FAT4: variants seen among roughly 807,000 people sequenced by gnomAD.
The protein encoded by FAT4 is protocadherin Fat 4.
In FAT4, 84 loss-of-function variants were observed where a neutral mutation model predicts 303.9. The observed-to-expected ratio is 0.28, with a 90% CI of 0.23 to 0.33. FAT4 has a LOEUF of 0.33. Among genes scored for constraint, FAT4 ranks in the 10% least tolerant of loss-of-function variants. FAT4 has a pLI of 1.00. For synonymous variants in FAT4, 2,307 were observed against 2,298.8 expected (o/e 1.00, Z -0.10); for missense variants, 6,005 against 6,146.8 (o/e 0.98, Z 0.77).
chr4:125,484,539 TTAAA>T (rs1727343110), intron 16 of FAT4, among the ~76,000 whole-genome samples: 1 of 152,124 alleles, frequency 6.6e-6, no homozygotes, highest in African/African-American at 2.4e-5. Flanking sequence ...TAGATTCAAA[TTAAA>T]TAAATGAACA....
intron 16 of FAT4, among the ~76,000 whole-genome samples, chr4:125,486,478 G>A (rs950193914): frequency 6.6e-6 from 1 of 152,042 alleles, no homozygotes; most frequent in Non-Finnish European, 1.5e-5. Context: ...TTTCATTCCC[G>A]TTATTTGAGG....
intron 2 of FAT4, among the ~76,000 whole-genome samples, chr4:125,389,482 C>A (rs1733896324): frequency 6.6e-6 from 1 of 152,142 alleles, no homozygotes; most frequent in African/African-American, 2.4e-5. Flanking sequence ...AAAAAATGCA[C>A]CAAATGCATA....
intron 2 of FAT4, among the ~76,000 whole-genome samples, chr4:125,385,098 T>G (rs1170931274): frequency 6.7e-6 from 1 of 149,258 alleles, no homozygotes; most frequent in African/African-American, 2.5e-5. Context: ...CTCCACTCAC[T>G]GCAACCTCTG....
chr4:125,424,362 C>G (rs1428837233), intron 7 of FAT4, among the ~76,000 whole-genome samples: 1 of 152,152 alleles, frequency 6.6e-6, no homozygotes, highest in Non-Finnish European at 1.5e-5. Context: ...CCACTTCACT[C>G]TGCACATCTC....
chr4:125,472,089 A>AG (rs150650496), intron 12 of FAT4, among the ~76,000 whole-genome samples: 15,816 of 137,906 alleles, frequency 0.11, 1,476 homozygotes, highest in African/African-American at 0.19. Context: ...AAAAAAAAAA[A>AG]GGGTAGTTAC....
rs376363884 is a variant in FAT4 at position 125,490,484 on chromosome 4, T to C, written c.13668T>C (p.Val4556=). 2.1e-5 allele frequency: 34 copies of C among 1,614,042 alleles called. No homozygotes were observed. The highest frequency in any genetic ancestry group is 2.8e-5 in the Non-Finnish European group (33 of 1,180,034). ...AGAAGAAAAAGGGAAGTGAGAACGT[T>C]GCTTTTGATGACCCTGACAATATCC... The part of the protein sequence containing the change: ...KEKKKKGSEN[V]AFDDPDNIPP... The change falls in exon 18 of 18, where the codon GTT becomes GTC. Residue 4556 remains valine (V), a synonymous_variant. Transcript: ENST00000394329.
intron 2 of FAT4, among the ~76,000 whole-genome samples, chr4:125,326,788 G>T (rs757259810): frequency 3.3e-5 from 5 of 152,138 alleles, no homozygotes; most frequent in Non-Finnish European, 5.9e-5. Context: ...TTAAATGGGA[G>T]GCCAAGGCAG....
intron 2 of FAT4, among the ~76,000 whole-genome samples, chr4:125,350,834 T>G (rs188401969): frequency 8.9e-4 from 135 of 151,902 alleles, no homozygotes; most frequent in Middle Eastern, 6.8e-3. Flanking sequence ...CAGAAAGATT[T>G]CTGAGTATCT....
rs1198453607 is a variant in FAT4 at position 125,481,738 on chromosome 4, G to A, written c.12822G>A (p.Lys4274=). 6.2e-7 allele frequency: 1 copy of A among 1,613,462 alleles called. No homozygotes were observed. The highest frequency in any genetic ancestry group is 1.3e-5 in the African/African-American group (1 of 74,916). ...AAAGCAGCAATTACACTACTGTGAAGGTGAGATAAAAGCTAATGGTGACTT... is the reference window on the plus strand; with the variant it reads ...AAAGCAGCAATTACACTACTGTGAAAGTGAGATAAAAGCTAATGGTGACTT... ...IQESSNYTTV[K]IKNGKVYFTS... Residue 4274 remains lysine, a splice_region_variant and synonymous_variant, in exon 16 of 18, where the codon AAG becomes AAA. Transcript: ENST00000394329.
At chr4:125,370,748 CAAATTTTCA>C (rs1733074222) in intron 2 of FAT4, among the ~76,000 whole-genome samples, 1 of 151,996 alleles carries the variant, frequency 6.6e-6, no homozygotes, top group African/African-American at 2.4e-5. Flanking sequence ...CAAAATTTTT[CAAATTTTCA>C]AAATTTTCAA....
chr4:125,423,409 C>A (rs1724975874), intron 7 of FAT4, among the ~76,000 whole-genome samples: 1 of 152,158 alleles, frequency 6.6e-6, no homozygotes, highest in Admixed American at 6.5e-5. Flanking sequence ...GGCCAAGGTT[C>A]AGCTCAGGCT....
At chr4:125,333,791 A>G (rs889011682) in intron 2 of FAT4, among the ~76,000 whole-genome samples, 20 of 152,344 alleles carry the variant, frequency 1.3e-4, no homozygotes, top group Middle Eastern at 3.4e-3. Context: ...AAAATTTGCT[A>G]TTGAAAACAT....
Position 125,321,224 on chromosome 4 carries a change from G to A in FAT4, c.4813G>A (p.Asp1605Asn), listed in dbSNP as rs773127644. 6.2e-7 allele frequency: 1 copy of A among 1,614,162 alleles called. No homozygotes were observed. Among genetic ancestry groups the A allele is most frequent in the Non-Finnish European group, 8.5e-7 (1 of 1,180,012 alleles). ...CTACAATCTCATAGTTTCAGCAACA[G>A]ACCTTGGGCCTGAAAGGAGGAAATC... is the stretch of plus-strand genomic sequence containing the variant. ...LIYNLIVSAT[D>N]LGPERRKSTT... The change falls in exon 2 of 18, where the codon GAC becomes AAC. Residue 1605 changes from aspartate (D) to asparagine (N), a missense_variant. By Grantham distance (23) the Asp-to-Asn change is conservative. Coordinates refer to ENST00000394329, the MANE Select transcript of FAT4 (RefSeq NM_001291303.3).
chr4:125,353,140 G>C (rs1338300876), intron 2 of FAT4, among the ~76,000 whole-genome samples: 1 of 151,590 alleles, frequency 6.6e-6, no homozygotes, highest in Non-Finnish European at 1.5e-5. Flanking sequence ...GACCAAAATC[G>C]GATCTTATTT....
chr4:125,365,507 C>T (rs1171325675), intron 2 of FAT4, among the ~76,000 whole-genome samples: 1 of 152,086 alleles, frequency 6.6e-6, no homozygotes, highest in Non-Finnish European at 1.5e-5. Flanking sequence ...CCTATTCATA[C>T]CACCATTTCT....
rs1730551225 is a variant in FAT4 at position 125,315,725 on chromosome 4, G to T, written c.-265G>T. 6.6e-6 allele frequency among the ~76,000 whole-genome samples: 1 copy of T among 152,172 alleles called. No individual in the cohort carries two copies. The highest frequency in any genetic ancestry group is 1.5e-5 in the Non-Finnish European group (1 of 68,026). ...CTCCCGGGTACGGGAGCCAGAGCGC[G>T]AACGCTAGCGCTTGGAACGCAGTTC... On this transcript the variant is annotated 5_prime_UTR_variant, in exon 1 of 18. Coordinates refer to ENST00000394329, the MANE Select transcript of FAT4 (RefSeq NM_001291303.3).
chr4:125,478,290 T>C (rs1395576717), intron 14 of FAT4, among the ~76,000 whole-genome samples: 2 of 152,214 alleles, frequency 1.3e-5, no homozygotes, highest in African/African-American at 2.4e-5. Flanking sequence ...GTTATTATTA[T>C]TAATCAAACA....
intron 10 of FAT4, among the ~76,000 whole-genome samples, chr4:125,457,150 CACA>C: frequency 7.5e-6 from 1 of 133,414 alleles, no homozygotes; most frequent in Admixed American, 7.2e-5. Flanking sequence ...CACACACACA[CACA>C]CACCACTGAG....
In FAT4 at chr4:125,450,218, C is replaced by T. The variant is rs998399883; in HGVS notation, c.9208C>T (p.Pro3070Ser). ...CACTGCAAAGGATAAGGGAAACCCT[C>T]CACTTTCTTCCCAAGCAACTGTTCA... ...TVTAKDKGNP[P>S]LSSQATVHIT... Residue 3070 changes from proline (P) to serine (S), a missense_variant, in exon 10 of 18, where the codon CCA becomes TCA. Physicochemically the swap from Pro to Ser is moderately conservative, Grantham distance 74. Transcript: ENST00000394329. 5.6e-6 allele frequency: 9 copies of T among 1,613,810 alleles called. No individual in the cohort carries two copies. In the African/African-American group the frequency reaches 1.2e-4, roughly 22 times the overall value.
Sources: allele counts gnomAD v4.1 joint callset (sites outside exome capture counted in the v4.1 genomes callset), GRCh38; gene constraint gnomAD v4.1.1; transcripts MANE v1.5; gene names NCBI Gene and HGNC (gene_info 2026-07-23, HGNC 2026-07-21).